CCDC102B: variants seen among roughly 807,000 people sequenced by gnomAD.
The protein encoded by CCDC102B is coiled-coil domain containing 102B, also known as coiled-coil domain-containing protein 102B.
A neutral mutation model predicts 57.4 loss-of-function variants in CCDC102B; 75 were observed. The ratio of observed to expected loss-of-function variants is 1.31; its 90% CI spans 1.08 to 1.58. CCDC102B has a LOEUF of 1.58. Ranked by LOEUF, CCDC102B falls within the 40% of genes most tolerant of loss-of-function variation. The pLI is 0.00. For missense variants in CCDC102B, 636 were observed against 582.6 expected (o/e 1.09, Z -0.94); for synonymous variants, 206 against 201.9 (o/e 1.02, Z -0.17).
At chr18:68,998,259 T>A (rs993392525) in intron 6 of CCDC102B, among the ~76,000 whole-genome samples, 1 of 151,814 alleles carries the variant, frequency 6.6e-6, no homozygotes, top group Non-Finnish European at 1.5e-5. Flanking sequence ...ACTGTATGCA[T>A]ATATCTATAT....
chr18:68,881,656 C>A (rs541934093), intron 5 of CCDC102B, among the ~76,000 whole-genome samples: 5 of 152,212 alleles, frequency 3.3e-5, no homozygotes, highest in African/African-American at 9.6e-5. Flanking sequence ...TGAGCTGGAA[C>A]CTTGATCTGC....
At chr18:68,868,991 A>C (rs988808421) in intron 4 of CCDC102B, among the ~76,000 whole-genome samples, 1 of 152,160 alleles carries the variant, frequency 6.6e-6, no homozygotes, top group African/African-American at 2.4e-5. Context: ...CGGATGTTGC[A>C]AATGCCTGAA....
At chr18:68,866,539 A>T (rs2038988497) in intron 4 of CCDC102B, 1 of 191,140 alleles carries the variant, frequency 5.2e-6, no homozygotes, top group Non-Finnish European at 1.1e-5. Flanking sequence ...TTGCAAAGAC[A>T]TGTTGGCTGT....
At chr18:68,857,138 T>TAAA (rs1214113417) in intron 4 of CCDC102B, among the ~76,000 whole-genome samples, 4 of 25,432 alleles carry the variant, frequency 1.6e-4, no homozygotes, top group African/African-American at 3.1e-4. Flanking sequence ...TTTTTATATA[T>TAAA]TATATATAAA....
Position 68,836,949 on chromosome 18 carries a change from TA to T in CCDC102B, c.188del (p.Asn63ThrfsTer63). 1 of 1,614,172 alleles carries T rather than the reference TA, an allele frequency of 6.2e-7. No homozygotes were observed. The highest frequency in any genetic ancestry group is 8.5e-7 in the Non-Finnish European group (1 of 1,180,034). ...AAHNFCAHSY[N>X]TNKWDICEEL... is the part of the protein sequence containing the mutation. The stretch of plus-strand genomic sequence containing the variant: ...CTCACAATTTCTGTGCTCACTCATA[TA>T]ACACCAACAAATGGGATATTTGTGA... On this transcript the variant is annotated frameshift_variant, in exon 2 of 8. Transcript: ENST00000360242. LOFTEE classifies it high-confidence loss of function.
intron 6 of CCDC102B, among the ~76,000 whole-genome samples, chr18:68,923,095 T>A (rs1480325119): frequency 6.6e-6 from 1 of 151,686 alleles, no homozygotes; most frequent in Non-Finnish European, 1.5e-5. Flanking sequence ...TGCCTTCTAC[T>A]CCAAAAAAGG....
chr18:68,877,218 G>C (rs566260431), intron 5 of CCDC102B, among the ~76,000 whole-genome samples: 10 of 152,186 alleles, frequency 6.6e-5, no homozygotes, highest in Non-Finnish European at 1.3e-4. Flanking sequence ...ATTAGATAAA[G>C]AAGAGCTCAA....
intron 6 of CCDC102B, among the ~76,000 whole-genome samples, chr18:68,998,967 C>CACAT (rs1466400026): frequency 1.1e-5 from 1 of 92,018 alleles, no homozygotes; most frequent in African/African-American, 4.7e-5. Flanking sequence ...ACATAATCAT[C>CACAT]ATATATATAT....
At chr18:68,866,175 G>T (rs1022761406) in intron 4 of CCDC102B, among the ~76,000 whole-genome samples, 1 of 152,020 alleles carries the variant, frequency 6.6e-6, no homozygotes, top group Non-Finnish European at 1.5e-5. Context: ...AATTGTGTAC[G>T]CATAACAATT....
chr18:68,874,595 A>G (rs879250007), intron 4 of CCDC102B, 74 bp from the exon 5 acceptor site: 1 of 856,390 alleles, frequency 1.2e-6, no homozygotes. Flanking sequence ...AAGCTAAATG[A>G]AGGACTAATG....
Position 68,897,312 on chromosome 18 carries a change from C to A in CCDC102B, c.1147C>A (p.Leu383Met). The A allele has an allele frequency of 6.2e-7, 1 of 1,612,874 alleles. No homozygotes were observed. Reference protein sequence around the residue: ...KQGLERENRRLKIQVKEMEEL... With the variant: ...KQGLERENRRMKIQVKEMEEL... ...GGGACTGGAGAGAGAAAATAGAAGG[C>A]TGAAGATCCAGGTGAAAGAAATGGA... The change falls in exon 6 of 8, where the codon CTG (leucine) becomes ATG (methionine). Residue 383 changes from leucine (L) to methionine (M), a missense_variant. By Grantham distance (15) the Leu-to-Met change is conservative (BLOSUM62 2). Transcript: ENST00000360242.
intron 6 of CCDC102B, among the ~76,000 whole-genome samples, chr18:68,989,929 A>G (rs1223561010): frequency 6.6e-6 from 1 of 152,054 alleles, no homozygotes; most frequent in Admixed American, 6.5e-5. Context: ...ATAGCACTTC[A>G]TCCATCCAGT....
At chr18:68,732,538 G>A (rs1404645727) in intron 2 of CCDC102B, among the ~76,000 whole-genome samples, 3 of 151,660 alleles carry the variant, frequency 2.0e-5, no homozygotes, top group African/African-American at 7.3e-5. Context: ...GTAGAGACGG[G>A]GTTTCACCAT....
chr18:68,955,549 T>C (rs4624291), intron 6 of CCDC102B, among the ~76,000 whole-genome samples: 38,849 of 152,022 alleles, frequency 0.26, 6,321 homozygotes, highest in East Asian at 0.57. Flanking sequence ...GTCATTTCCA[T>C]GACAATGATT....
Position 69,054,416 on chromosome 18 carries a change from C to T in CCDC102B, c.*279C>T, listed in dbSNP as rs2052780333. ...AAAAGGGCTTTCAGAATACTTTTTACATAAAATCTGAAAGAGTTATAATAT... is the reference window on the plus strand; with the variant it reads ...AAAAGGGCTTTCAGAATACTTTTTATATAAAATCTGAAAGAGTTATAATAT... On this transcript the variant is annotated 3_prime_UTR_variant, in exon 8 of 8. Coordinates refer to ENST00000360242, the MANE Select transcript of CCDC102B (RefSeq NM_024781.3). The T allele has an allele frequency of 9.3e-7, 1 of 1,073,182 alleles. No individual in the cohort carries two copies. Among genetic ancestry groups the T allele is most frequent in the Non-Finnish European group, 1.1e-6 (1 of 887,558 alleles). The allele number at this position is 1,073,182 out of a possible 1,614,324, so 66.5% of individuals were successfully genotyped here.
intron 6 of CCDC102B, among the ~76,000 whole-genome samples, chr18:68,995,103 T>C (rs1046563587): frequency 2.6e-5 from 4 of 152,166 alleles, no homozygotes; most frequent in African/African-American, 9.6e-5. Context: ...ACTTTTGCTA[T>C]GCTTTAGCAA....
At chr18:68,987,407 C>A (rs934611726) in intron 6 of CCDC102B, among the ~76,000 whole-genome samples, 1 of 151,650 alleles carries the variant, frequency 6.6e-6, no homozygotes, top group South Asian at 2.1e-4. Flanking sequence ...AAAAGTTCAC[C>A]CAAAATTTAT....
intron 2 of CCDC102B, among the ~76,000 whole-genome samples, chr18:68,766,892 A>T (rs186250715): frequency 6.6e-6 from 1 of 152,182 alleles, no homozygotes; most frequent in Non-Finnish European, 1.5e-5. Flanking sequence ...TTTTTGTAAG[A>T]TCTGGTACAT....
intron 7 of CCDC102B, among the ~76,000 whole-genome samples, chr18:69,037,766 G>A (rs902471519): frequency 1.3e-5 from 2 of 152,068 alleles, no homozygotes; most frequent in African/African-American, 4.8e-5. Flanking sequence ...GATAGAAGGT[G>A]AGAGAAGACA....
Sources: allele counts gnomAD v4.1 joint callset (sites outside exome capture counted in the v4.1 genomes callset), GRCh38; gene constraint gnomAD v4.1.1; transcripts MANE v1.5; gene names NCBI Gene and HGNC (gene_info 2026-07-23, HGNC 2026-07-21).